The following SLC24A2 variants were observed in gnomAD, a reference collection of about 807,000 sequenced individuals.
SLC24A2 encodes the protein solute carrier family 24 member 2.
A neutral mutation model predicts 62.0 loss-of-function variants in SLC24A2; 36 were observed. The observed-to-expected ratio is 0.58, with a 90% CI of 0.44 to 0.77. The LOEUF is 0.77. SLC24A2 is among the 30% of genes least tolerant of loss of function. The pLI, the probability that SLC24A2 is intolerant of heterozygous loss-of-function variation, is 0.00. For synonymous variants in SLC24A2, 358 were observed against 294.0 expected (o/e 1.22, Z -2.23); for missense variants, 846 against 817.9 (o/e 1.03, Z -0.42).
At chr9:19,532,186 G>A (rs148526178) in intron 8 of SLC24A2, among the ~76,000 whole-genome samples, 1,528 of 152,256 alleles carry the variant, frequency 0.01, 44 homozygotes, top group Admixed American at 0.059. Flanking sequence ...GGGTTCAAGT[G>A]TTTCTCCTAC....
At chr9:19,791,506 A>G (rs1327412), upstream of SLC24A2, among the ~76,000 whole-genome samples, 6,641 of 152,288 alleles carry the variant, frequency 0.044, 510 homozygotes, top group African/African-American at 0.15. Flanking sequence ...GTTCCAAAGC[A>G]TCTCAATGAG....
chr9:20,109,448 C>A, the SLC24A2 span, among the ~76,000 whole-genome samples: 4 of 152,128 alleles, frequency 2.6e-5, no homozygotes, highest in Admixed American at 1.3e-4. Context: ...ATGGCTTATG[C>A]CGAATACTTG....
intron 5 of SLC24A2, among the ~76,000 whole-genome samples, chr9:19,591,850 T>C (rs544007047): frequency 2.6e-5 from 4 of 152,364 alleles, no homozygotes; most frequent in African/African-American, 9.6e-5. Context: ...TTTTCTGCTA[T>C]ATATAGCTAA....
chr9:19,707,890 G>A (rs2118574305), intron 2 of SLC24A2, among the ~76,000 whole-genome samples: 1 of 152,216 alleles, frequency 6.6e-6, no homozygotes, highest in South Asian at 2.1e-4. Context: ...ACATAGTGTT[G>A]GAAGTTCTGG....
Position 19,573,422 on chromosome 9 carries a change from G to C in SLC24A2, c.1276C>G (p.Pro426Ala). Residue 426 changes from proline to alanine, a missense_variant, in exon 7 of 11, where the codon CCA becomes GCA. Pro to Ala is a conservative substitution (Grantham distance 27). Transcript: ENST00000341998. The part of the protein sequence containing the change: ...NSTSTDVEMT[P>A]SSDASEPVQN... ...ACAGGTTCTGAAGCATCACTGGATGGTGTCATTTCAACATCTGTGCTGGTG... is the reference window on the plus strand; with the variant it reads ...ACAGGTTCTGAAGCATCACTGGATGCTGTCATTTCAACATCTGTGCTGGTG... 3.1e-6 allele frequency: 5 copies of C among 1,612,954 alleles called. No individual in the cohort carries two copies. Among genetic ancestry groups the C allele is most frequent in the Non-Finnish European group, 4.2e-6 (5 of 1,179,448 alleles).
At chr9:19,586,787 A>C (rs1003020229) in intron 5 of SLC24A2, among the ~76,000 whole-genome samples, 2 of 152,122 alleles carry the variant, frequency 1.3e-5, no homozygotes, top group African/African-American at 4.8e-5. Flanking sequence ...TCATTGTTTT[A>C]GGAACTTAAT....
chr9:19,965,860 G>C, the SLC24A2 span, among the ~76,000 whole-genome samples: 1 of 152,136 alleles, frequency 6.6e-6, no homozygotes, highest in East Asian at 1.9e-4. Context: ...ATCTTCTTGA[G>C]ACTGGAATGA....
chr9:20,193,885 G>C, the SLC24A2 span, among the ~76,000 whole-genome samples: 321 of 152,118 alleles, frequency 2.1e-3, 2 homozygotes, highest in Non-Finnish European at 2.0e-3. Context: ...AATAATCAAA[G>C]GGGCAATGCC....
intron 5 of SLC24A2, among the ~76,000 whole-genome samples, chr9:19,583,404 T>TTA (rs1836264274): frequency 6.6e-6 from 1 of 152,240 alleles, no homozygotes; most frequent in African/African-American, 2.4e-5. Flanking sequence ...TCTAAAGTAG[T>TTA]TATCACCGTC....
the SLC24A2 span, among the ~76,000 whole-genome samples, chr9:20,200,312 G>A: frequency 1.3e-5 from 2 of 152,106 alleles, no homozygotes; most frequent in Admixed American, 6.5e-5. Flanking sequence ...TCAACTTCTG[G>A]CTCTGCCTCT....
At chr9:19,604,880 T>A (rs557977161) in intron 4 of SLC24A2, among the ~76,000 whole-genome samples, 2 of 152,170 alleles carry the variant, frequency 1.3e-5, no homozygotes, top group African/African-American at 4.8e-5. Context: ...TTTACCACAA[T>A]AGAAACAATC....
the SLC24A2 span, among the ~76,000 whole-genome samples, chr9:20,205,946 G>A: frequency 6.6e-6 from 1 of 152,042 alleles, no homozygotes; most frequent in Admixed American, 6.6e-5. Context: ...TATTTATACT[G>A]TATTTATATC....
At chr9:19,717,219 T>G (rs1564060201) in intron 2 of SLC24A2, among the ~76,000 whole-genome samples, 2 of 152,216 alleles carry the variant, frequency 1.3e-5, no homozygotes, top group African/African-American at 4.8e-5. Context: ...AGTTTTGCAG[T>G]GTATTTCTAT....
chr9:19,986,985 A>C, the SLC24A2 span, among the ~76,000 whole-genome samples: 1 of 152,152 alleles, frequency 6.6e-6, no homozygotes, highest in South Asian at 2.1e-4. Flanking sequence ...TGCTGATGAA[A>C]AATAATGAGC....
At chr9:20,008,783 T>C in the SLC24A2 span, among the ~76,000 whole-genome samples, 1 of 152,104 alleles carries the variant, frequency 6.6e-6, no homozygotes, top group South Asian at 2.1e-4. Flanking sequence ...TCCACTTCCA[T>C]CCTCTACTCT....
chr9:19,740,633 A>T (rs1337660745), intron 2 of SLC24A2, among the ~76,000 whole-genome samples: 1 of 152,150 alleles, frequency 6.6e-6, no homozygotes, highest in Non-Finnish European at 1.5e-5. Flanking sequence ...GTTTACATGA[A>T]CATGTTACTT....
chr9:19,737,724 G>C (rs1372310919), intron 2 of SLC24A2, among the ~76,000 whole-genome samples: 1 of 151,698 alleles, frequency 6.6e-6, no homozygotes, highest in Non-Finnish European at 1.5e-5. Flanking sequence ...AAAATTAAAG[G>C]CAAGATGCAA....
At chr9:19,839,718 C>G in the SLC24A2 span, among the ~76,000 whole-genome samples, 5 of 152,218 alleles carry the variant, frequency 3.3e-5, no homozygotes, top group South Asian at 1.0e-3. Flanking sequence ...TGAACTGTAG[C>G]AATAATTTCA....
the SLC24A2 span, among the ~76,000 whole-genome samples, chr9:20,012,238 G>A: frequency 6.6e-6 from 1 of 152,190 alleles, no homozygotes; most frequent in Non-Finnish European, 1.5e-5. Context: ...ACAGTTCCAG[G>A]TGGCTGGGGA....
Sources: gnomAD v4.1 joint callset for allele counts (sites outside exome capture counted in the v4.1 genomes callset) on GRCh38, gnomAD v4.1.1 for gene constraint, MANE v1.5 for transcripts, NCBI Gene and HGNC (gene_info 2026-07-23, HGNC 2026-07-21) for gene names.